The following SLC24A2 variants were observed in gnomAD, a reference collection of about 807,000 sequenced individuals.
The protein encoded by SLC24A2 is sodium/potassium/calcium exchanger 2.
SLC24A2 carries 36 observed loss-of-function variants against 62.0 expected under a neutral mutation model. That is an observed-to-expected ratio of 0.58 (90% confidence interval 0.44 to 0.77). The LOEUF (loss-of-function observed/expected upper bound fraction) is 0.77. Ranked by LOEUF, SLC24A2 falls within the 30% of genes least tolerant of loss-of-function variation. The probability of loss-of-function intolerance (pLI) is 0.00; values close to 1 mark genes in which losing one functional copy is unlikely to be tolerated. For synonymous variants in SLC24A2, 358 were observed against 294.0 expected (o/e 1.22, Z -2.23); for missense variants, 846 against 817.9 (o/e 1.03, Z -0.42).
At chr9:19,754,783 A>G (rs1822089092) in intron 2 of SLC24A2, among the ~76,000 whole-genome samples, 1 of 152,018 alleles carries the variant, frequency 6.6e-6, no homozygotes, top group Admixed American at 6.6e-5. Flanking sequence ...GCCAAAATGC[A>G]CAGTTCCAGT....
chr9:19,767,098 G>GA (rs1379586613), intron 2 of SLC24A2, among the ~76,000 whole-genome samples: 2 of 152,116 alleles, frequency 1.3e-5, no homozygotes, highest in African/African-American at 4.8e-5. Context: ...CACTGTGAGG[G>GA]AAAAAACGCC....
chr9:19,998,063 T>G, the SLC24A2 span, among the ~76,000 whole-genome samples: 1 of 152,188 alleles, frequency 6.6e-6, no homozygotes, highest in Non-Finnish European at 1.5e-5. Flanking sequence ...ATAATGCATC[T>G]CTCACTATTT....
chr9:20,076,092 T>G, the SLC24A2 span, among the ~76,000 whole-genome samples: 5 of 152,140 alleles, frequency 3.3e-5, no homozygotes, highest in African/African-American at 1.2e-4. Context: ...ATGCAATCAT[T>G]CTTTTTTTTT....
At chr9:19,740,564 G>A (rs922103813) in intron 2 of SLC24A2, among the ~76,000 whole-genome samples, 1 of 152,216 alleles carries the variant, frequency 6.6e-6, no homozygotes, top group African/African-American at 2.4e-5. Context: ...AAAGAACTAA[G>A]AGAGTACTAC....
At chr9:19,820,173 G>C in the SLC24A2 span, among the ~76,000 whole-genome samples, 2 of 149,214 alleles carry the variant, frequency 1.3e-5, no homozygotes, top group South Asian at 2.1e-4. Context: ...TCTAAGTGAA[G>C]TAACTCAGGA....
At chr9:19,954,406 A>G in the SLC24A2 span, among the ~76,000 whole-genome samples, 6 of 152,138 alleles carry the variant, frequency 3.9e-5, no homozygotes, top group Non-Finnish European at 8.8e-5. Flanking sequence ...TTACAGTCTT[A>G]ACCAGGATCT....
intron 2 of SLC24A2, among the ~76,000 whole-genome samples, chr9:19,775,543 T>C (rs550728980): frequency 1.3e-5 from 2 of 152,284 alleles, no homozygotes; most frequent in African/African-American, 2.4e-5. Context: ...AGAGGAAGCA[T>C]TGATGATGTG....
At chr9:19,656,188 G>A (rs148048283) in intron 2 of SLC24A2, among the ~76,000 whole-genome samples, 161 of 152,324 alleles carry the variant, frequency 1.1e-3, no homozygotes, top group Admixed American at 5.2e-3. Flanking sequence ...AAGTCAAATT[G>A]CTATGTAAGA....
the SLC24A2 span, among the ~76,000 whole-genome samples, chr9:20,107,846 G>T: frequency 1.5e-4 from 23 of 152,160 alleles, no homozygotes; most frequent in Admixed American, 1.2e-3. Context: ...TTGACAAATG[G>T]GATCTAATTA....
At chr9:19,687,504 T>A (rs964120893) in intron 2 of SLC24A2, among the ~76,000 whole-genome samples, 1 of 152,034 alleles carries the variant, frequency 6.6e-6, no homozygotes, top group Non-Finnish European at 1.5e-5. Context: ...TATCAGGCCA[T>A]AGCTATGACG....
Position 19,511,028 on chromosome 9 carries a change from C to G in SLC24A2, c.*5125G>C, listed in dbSNP as rs1832696684. 1 of 152,226 alleles carries G rather than the reference C, an allele frequency of 6.6e-6. No individual in the cohort carries two copies. The highest frequency in any genetic ancestry group is 2.4e-5 in the African/African-American group (1 of 41,428). The allele number at this position is 152,226 out of a possible 1,614,324, so 9.4% of individuals were successfully genotyped here. On this transcript the variant is annotated 3_prime_UTR_variant, in exon 11 of 11. Transcript: ENST00000341998. ...TGCAAAATGCCAGTGTGTACATTAG[C>G]TGGGGGGAGTCATTGTGGAAAACAG...
chr9:20,205,841 C>G, the SLC24A2 span, among the ~76,000 whole-genome samples: 1 of 152,072 alleles, frequency 6.6e-6, no homozygotes, highest in Non-Finnish European at 1.5e-5. Flanking sequence ...TTGGAAAACT[C>G]ATCACCATGA....
chr9:19,639,397 T>G (rs546934935), intron 2 of SLC24A2, among the ~76,000 whole-genome samples: 5 of 152,188 alleles, frequency 3.3e-5, no homozygotes, highest in Non-Finnish European at 7.3e-5. Flanking sequence ...CAGAATATGG[T>G]GGAAGTTCTC....
intron 5 of SLC24A2, among the ~76,000 whole-genome samples, chr9:19,587,338 T>C (rs933797225): frequency 5.9e-5 from 9 of 152,238 alleles, no homozygotes; most frequent in African/African-American, 1.9e-4. Context: ...ATGTATTCAG[T>C]AGTTGCCCCT....
chr9:19,639,951 C>T (rs1233588311), intron 2 of SLC24A2, among the ~76,000 whole-genome samples: 1 of 152,184 alleles, frequency 6.6e-6, no homozygotes, highest in Non-Finnish European at 1.5e-5. Context: ...AATCAAGCCC[C>T]AAACCATATG....
Position 19,512,535 on chromosome 9 carries a change from G to C in SLC24A2, c.*3618C>G, listed in dbSNP as rs1396642056. 2 of 152,214 alleles carry C rather than the reference G, an allele frequency of 1.3e-5. No individual in the cohort carries two copies. Among genetic ancestry groups the C allele is most frequent in the South Asian group, 2.1e-4 (1 of 4,824 alleles). 9.4% of individuals were successfully genotyped at this position (152,214 alleles called of 1,614,324 possible). A position where few individuals can be genotyped will look rare whatever the true frequency, so the allele number is the denominator to read the frequency against. On this transcript the variant is annotated 3_prime_UTR_variant, in exon 11 of 11. Coordinates refer to ENST00000341998, the MANE Select transcript of SLC24A2 (RefSeq NM_020344.4). Reference sequence around the variant, plus strand: ...TCTGATCTTCAGCTTCAGTTCATCAGGATCTGGTCAGGTGCAGAGGGCAGC... The same window carrying C: ...TCTGATCTTCAGCTTCAGTTCATCACGATCTGGTCAGGTGCAGAGGGCAGC...
chr9:20,264,811 G>A, the SLC24A2 span, among the ~76,000 whole-genome samples: 1 of 152,182 alleles, frequency 6.6e-6, no homozygotes, highest in Non-Finnish European at 1.5e-5. Flanking sequence ...CTTAATCCCT[G>A]TAAAAAACAA....
the SLC24A2 span, among the ~76,000 whole-genome samples, chr9:20,010,744 C>T: frequency 1.0e-4 from 15 of 149,488 alleles, no homozygotes; most frequent in African/African-American, 2.2e-4. Flanking sequence ...TATCTCCTAA[C>T]GCTATCCCTC....
chr9:19,748,480 C>T lies in SLC24A2; in HGVS notation c.930+37457G>A, dbSNP rs2118797943. ...GAAATTGTTGAGTCACCATTGTGAG[C>T]ACGTTTAATGAAAGATCTGTGAGTC... On this transcript the variant is annotated intron_variant, in intron 2 of 10. Coordinates refer to ENST00000341998, the MANE Select transcript of SLC24A2 (RefSeq NM_020344.4). Among the ~76,000 whole-genome samples the T allele has an allele frequency of 2.0e-5, 3 of 152,194 alleles. No individual in the cohort carries two copies. The South Asian group carries it at 6.2e-4, about 32-fold the overall frequency.
Sources: gnomAD v4.1 joint callset for allele counts (sites outside exome capture counted in the v4.1 genomes callset) on GRCh38, gnomAD v4.1.1 for gene constraint, MANE v1.5 for transcripts, NCBI Gene and HGNC (gene_info 2026-07-23, HGNC 2026-07-21) for gene names.